INTS13: variants seen among roughly 807,000 people sequenced by gnomAD.
INTS13 encodes the protein asunder, spermatogenesis regulator homolog (Drosphila).
A neutral mutation model predicts 90.2 loss-of-function variants in INTS13; 35 were observed. That is an observed-to-expected ratio of 0.39 (90% confidence interval 0.30 to 0.51). The LOEUF (loss-of-function observed/expected upper bound fraction) is 0.51. Among genes scored for constraint, INTS13 ranks in the 20% least tolerant of loss-of-function variants. INTS13 has a pLI of 0.80. For synonymous variants in INTS13, 309 were observed against 277.1 expected (o/e 1.11, Z -1.14); for missense variants, 601 against 851.2 (o/e 0.71, Z 3.66).
At chr12:26,917,950 T>C (rs1391360096) in intron 8 of INTS13, among the ~76,000 whole-genome samples, 1 of 151,976 alleles carries the variant, frequency 6.6e-6, no homozygotes, top group African/African-American at 2.4e-5. Flanking sequence ...GGCGAAACCC[T>C]GTCCCTACTA....
intron 12 of INTS13, 84 bp downstream of exon 12, chr12:26,914,324 G>A: frequency 1.5e-6 from 2 of 1,355,144 alleles, no homozygotes; most frequent in Middle Eastern, 2.2e-4. Flanking sequence ...TTAAGAAATG[G>A]TATAAATTAC....
intron 2 of INTS13, among the ~76,000 whole-genome samples, chr12:26,936,108 C>T (rs1299969051): frequency 6.6e-6 from 1 of 152,224 alleles, no homozygotes; most frequent in African/African-American, 2.4e-5. Context: ...GGCTCTGCCT[C>T]TACGTAACTA....
Position 26,928,196 on chromosome 12 carries a change from T to C in INTS13, c.584+9A>G, listed in dbSNP as rs374120882. 2.9e-5 allele frequency: 46 copies of C among 1,585,060 alleles called. No homozygotes were observed. The highest frequency in any genetic ancestry group is 3.7e-5 in the Non-Finnish European group (43 of 1,155,672). On this transcript the variant is annotated intron_variant, in intron 5 of 16. Coordinates refer to ENST00000261191, the MANE Select transcript of INTS13 (RefSeq NM_018164.3). ...GAACATATTTATTTCATTTATGAAT[T>C]ATACTCACTGATCTGAATTTGCAGC... is the stretch of plus-strand genomic sequence containing the variant.
At chr12:26,931,858 G>A (rs543116199) in intron 3 of INTS13, among the ~76,000 whole-genome samples, 2 of 152,218 alleles carry the variant, frequency 1.3e-5, no homozygotes, top group Admixed American at 6.5e-5. Context: ...TGGCTGAGGC[G>A]GGTGGATCAC....
At chr12:26,935,902 C>T (rs1242468710) in intron 2 of INTS13, among the ~76,000 whole-genome samples, 1 of 152,168 alleles carries the variant, frequency 6.6e-6, no homozygotes, top group African/African-American at 2.4e-5. Flanking sequence ...CAAAATAAGA[C>T]ATTTAAGATA....
At chr12:26,915,953 G>T in intron 11 of INTS13, 49 bp downstream of exon 11, 1 of 1,399,966 alleles carries the variant, frequency 7.1e-7, no homozygotes, top group Non-Finnish European at 9.7e-7. Context: ...ACTACTTGCT[G>T]AATGATGACA....
chr12:26,925,180 AAAGT>A (rs1300527979), intron 6 of INTS13, among the ~76,000 whole-genome samples: 3 of 152,182 alleles, frequency 2.0e-5, no homozygotes, highest in Non-Finnish European at 4.4e-5. Context: ...TTCATGGACA[AAAGT>A]AATACTAGCG....
chr12:26,928,784 T>C lies in INTS13; in HGVS notation c.422A>G (p.His141Arg), dbSNP rs1264863133. 5 of 1,614,100 alleles carry C rather than the reference T, an allele frequency of 3.1e-6. No individual in the cohort carries two copies. The highest frequency in any genetic ancestry group is 3.4e-6 in the Non-Finnish European group (4 of 1,180,048). The change falls in exon 4 of 17, where the codon CAT becomes CGT. Residue 141 changes from histidine (H) to arginine (R), a missense_variant. By Grantham distance (29) the His-to-Arg change is conservative. Around this residue, in one of 3 missense-constraint regions of INTS13, gnomAD observed 284 missense variants for 387.7 expected, o/e 0.73. Transcript: ENST00000261191. ...CTCCATGAGTAGAGTACGAGCCTCA[T>C]GTTGGTATTCAGTAATTTTGCAGAG... ...ETLCKITEYQ[H>R]EARTLLMENA...
chr12:26,925,366 T>C (rs1453060527), intron 6 of INTS13, among the ~76,000 whole-genome samples: 1 of 152,096 alleles, frequency 6.6e-6, no homozygotes, highest in Non-Finnish European at 1.5e-5. Flanking sequence ...GGTTGGAAAA[T>C]AAGATTTTTC....
Position 26,917,749 on chromosome 12 carries a change from A to G in INTS13, c.890-16T>C, listed in dbSNP as rs1231927726. 1.3e-6 allele frequency: 2 copies of G among 1,585,610 alleles called. No homozygotes were observed. The highest frequency in any genetic ancestry group is 8.7e-7 in the Non-Finnish European group (1 of 1,154,682). ...TGCGAATCACCTTTAAAAATATGTC[A>G]GAGACATTACACATTGTATACATGT... On this transcript the variant is annotated splice_polypyrimidine_tract_variant and intron_variant, in intron 8 of 16. Coordinates refer to ENST00000261191, the MANE Select transcript of INTS13 (RefSeq NM_018164.3).
chr12:26,929,179 A>G (rs1938052861), intron 3 of INTS13: 2 of 279,176 alleles, frequency 7.2e-6, no homozygotes, highest in African/African-American at 4.4e-5. Flanking sequence ...TGATCATCTC[A>G]ATAAACACAG....
At chr12:26,905,664 G>A in intron 16 of INTS13, 128 bp from the exon 17 acceptor site, 4 of 916,932 alleles carry the variant, frequency 4.4e-6, no homozygotes, top group Non-Finnish European at 6.5e-6. Context: ...TTTAGGAAAG[G>A]ACTAACATCA....
rs1321292201 is a variant in INTS13, at chr12:26,913,991, T to C, written c.1557A>G (p.Arg519=). 6.8e-6 allele frequency: 11 copies of C among 1,608,402 alleles called. No individual in the cohort carries two copies. The highest frequency in any genetic ancestry group is 8.5e-6 in the Non-Finnish European group (10 of 1,178,622). ...DPLPISTVGT[R]GKGPKRDEQY... is the part of the protein sequence containing the mutation. ...AAATGTACCTTTTAGGGCCCTTTCCTCTTGTACCAACTGTGGAAATAGGTA... is the reference window on the plus strand; with the variant it reads ...AAATGTACCTTTTAGGGCCCTTTCCCCTTGTACCAACTGTGGAAATAGGTA... Residue 519 remains arginine, a synonymous_variant, in exon 13 of 17, where the codon AGA becomes AGG. Transcript: ENST00000261191.
rs747656944 is a variant in INTS13 at position 26,928,864 on chromosome 12, C to A, written c.342G>T (p.Arg114=). 16 of 1,614,010 alleles carry A rather than the reference C, an allele frequency of 9.9e-6. No homozygotes were observed. The highest frequency in any genetic ancestry group is 1.4e-5 in the Non-Finnish European group (16 of 1,180,030). The part of the protein sequence containing the change: ...ALAAVGPPNP[R]ADPECCSILH... ...GAATACTGCAGCACTCTGGATCTGC[C>A]CGAGGATTAGGAGGCCCAACAGCGG... Residue 114 remains arginine (R), a synonymous_variant, in exon 4 of 17, where the codon CGG becomes CGT. Transcript: ENST00000261191.
chr12:26,914,148 G>A lies in INTS13; in HGVS notation c.1420-20C>T. 2 of 1,536,828 alleles carry A rather than the reference G, an allele frequency of 1.3e-6. No homozygotes were observed. The highest frequency in any genetic ancestry group is 1.3e-5 in the South Asian group (1 of 79,126). On this transcript the variant is annotated intron_variant, in intron 12 of 16. Transcript: ENST00000261191. Reference sequence around the variant, plus strand: ...AACTACCTGTTAGATTTTTTTTAAAGAAAAAAGAAAATCTGTCTTGAAAAA... The same window carrying A: ...AACTACCTGTTAGATTTTTTTTAAAAAAAAAAGAAAATCTGTCTTGAAAAA...
At chr12:26,928,118 A>C in intron 5 of INTS13, 87 bp downstream of exon 5, 1 of 942,222 alleles carries the variant, frequency 1.1e-6, no homozygotes, top group Non-Finnish European at 1.6e-6. Context: ...GAATTCAGGG[A>C]AACGCTACCA....
Position 26,924,242 on chromosome 12 carries a change from C to T in INTS13, c.804+113G>A, listed in dbSNP as rs555174421. ...TCCTGGCCTCAAGTGATCCTCCCAT[C>T]TCAGCCTCCCAAAGTGCTGGGATTA... On this transcript the variant is annotated intron_variant, in intron 7 of 16. Transcript: ENST00000261191. 40 of 1,198,004 alleles carry T rather than the reference C, an allele frequency of 3.3e-5. No individual in the cohort carries two copies. In the African/African-American group the frequency reaches 6.1e-4, roughly 18 times the overall value. The allele number at this position is 1,198,004 out of a possible 1,614,324, so 74.2% of individuals were successfully genotyped here.
chr12:26,925,945 T>A, intron 5 of INTS13, 94 bp from the exon 6 acceptor site: 1 of 828,026 alleles, frequency 1.2e-6, no homozygotes, highest in Non-Finnish European at 1.9e-6. Context: ...TATTAAAACA[T>A]CATATTGCTA....
At chr12:26,919,934 C>T (rs1952059620) in intron 8 of INTS13, among the ~76,000 whole-genome samples, 1 of 152,170 alleles carries the variant, frequency 6.6e-6, no homozygotes, top group Non-Finnish European at 1.5e-5. Flanking sequence ...CAAGACCATC[C>T]TGGCTAACAC....
Sources: gnomAD v4.1 joint callset for allele counts (sites outside exome capture counted in the v4.1 genomes callset) on GRCh38, gnomAD v4.1.1 for gene constraint, gnomAD v4.1.1 regional missense constraint, MANE v1.5 for transcripts, NCBI Gene and HGNC (gene_info 2026-07-23, HGNC 2026-07-21) for gene names.